The following OSBPL10 variants were observed in gnomAD, a reference collection of about 807,000 sequenced individuals.
OSBPL10 encodes the protein oxysterol binding protein like 10.
Under a neutral mutation model 81.7 loss-of-function variants are expected in OSBPL10, and 49 were observed. The ratio of observed to expected loss-of-function variants is 0.60; its 90% CI spans 0.48 to 0.76. The LOEUF is 0.76. Ranked by LOEUF, OSBPL10 falls within the 30% of genes least tolerant of loss-of-function variation. The pLI is 0.00. For missense variants in OSBPL10, 923 were observed against 987.8 expected (o/e 0.93, Z 0.88); for synonymous variants, 419 against 383.6 (o/e 1.09, Z -1.08).
At chr3:31,684,204 A>G in intron 7 of OSBPL10, 90 bp from the exon 8 acceptor site, 2 of 1,507,584 alleles carry the variant, frequency 1.3e-6, no homozygotes, top group African/African-American at 1.4e-5. Context: ...ACTGTTAAGC[A>G]AATTCATAAC....
intron 6 of OSBPL10, among the ~76,000 whole-genome samples, chr3:31,726,318 T>A (rs536012489): frequency 5.6e-4 from 85 of 152,188 alleles, no homozygotes; most frequent in African/African-American, 1.8e-3. Flanking sequence ...TAATTTTTTT[T>A]TTTTATTTTA....
At position 31,851,791 on chromosome 3, in the gene OSBPL10, C is replaced by T. The variant is rs977514837; in HGVS notation, c.538-21560G>A. Reference sequence around the variant, plus strand: ...GCAAAGTTCAGAACCCCCTCCATCCCGTGACTGAGTCCGGTGATCCCTGGA... The same window carrying T: ...GCAAAGTTCAGAACCCCCTCCATCCTGTGACTGAGTCCGGTGATCCCTGGA... On this transcript the variant is annotated intron_variant, in intron 3 of 11. Transcript: ENST00000396556. Among the ~76,000 whole-genome samples the T allele has an allele frequency of 3.9e-5, 6 of 152,310 alleles. No individual in the cohort carries two copies. The East Asian group carries it at 5.8e-4, about 15-fold the overall frequency.
chr3:31,805,934 T>G (rs757430006), intron 4 of OSBPL10, among the ~76,000 whole-genome samples: 1 of 152,214 alleles, frequency 6.6e-6, no homozygotes, highest in Non-Finnish European at 1.5e-5. Context: ...GCTCTACACT[T>G]GTCTTTCTCT....
At chr3:31,805,920 C>G (rs1699511178) in intron 4 of OSBPL10, among the ~76,000 whole-genome samples, 1 of 151,900 alleles carries the variant, frequency 6.6e-6, no homozygotes, top group Non-Finnish European at 1.5e-5. Context: ...TGGCACTGTT[C>G]TAAGCTCTAC....
intron 2 of OSBPL10, among the ~76,000 whole-genome samples, chr3:31,993,173 T>C (rs1254253856): frequency 2.4e-3 from 210 of 87,728 alleles, no homozygotes; most frequent in African/African-American, 7.5e-3. Context: ...CCTTATTTTA[T>C]TTTATTTTAT....
At chr3:31,990,185 C>T (rs767003055) in intron 2 of OSBPL10, 2 of 1,614,034 alleles carry the variant, frequency 1.2e-6, no homozygotes, top group East Asian at 2.2e-5. Context: ...GGAGAGAAAC[C>T]TTACAAGTGT....
chr3:32,047,722 G>A (rs2342363), intron 1 of OSBPL10, among the ~76,000 whole-genome samples: 100,126 of 150,812 alleles, frequency 0.66, 35,725 homozygotes, highest in South Asian at 0.84. Flanking sequence ...GAGTGCAGTG[G>A]TGCGATCTCG....
intron 7 of OSBPL10, among the ~76,000 whole-genome samples, chr3:31,693,646 T>C (rs1295536490): frequency 6.6e-6 from 1 of 152,238 alleles, no homozygotes. Flanking sequence ...GAACAAACTA[T>C]AACCATTCAT....
chr3:31,867,410 C>T (rs58402104), intron 3 of OSBPL10, among the ~76,000 whole-genome samples: 2 of 152,080 alleles, frequency 1.3e-5, no homozygotes, highest in African/African-American at 2.4e-5. Flanking sequence ...GGAAACACTT[C>T]CCTTTATTTT....
intron 2 of OSBPL10, among the ~76,000 whole-genome samples, chr3:32,008,468 T>C (rs1388904461): frequency 4.6e-5 from 7 of 151,278 alleles, no homozygotes; most frequent in Non-Finnish European, 8.8e-5. Flanking sequence ...TATTTTTCCA[T>C]CATTAAAAAG....
intron 2 of OSBPL10, among the ~76,000 whole-genome samples, chr3:31,878,814 CATGTGT>C (rs56786977): frequency 0.28 from 28,874 of 104,726 alleles, 2,986 homozygotes; most frequent in South Asian, 0.4. Flanking sequence ...TCTGCGTGTC[CATGTGT>C]GTGTGTGTGT....
chr3:31,970,091 T>C (rs961852389), intron 1 of OSBPL10, among the ~76,000 whole-genome samples: 3 of 152,122 alleles, frequency 2.0e-5, no homozygotes, highest in Non-Finnish European at 2.9e-5. Flanking sequence ...GTCCGAAAAT[T>C]CCGTGCTCCA....
chr3:31,721,053 G>GC (rs996602306), intron 6 of OSBPL10, among the ~76,000 whole-genome samples: 6 of 152,062 alleles, frequency 3.9e-5, no homozygotes, highest in African/African-American at 1.4e-4. Flanking sequence ...AATCACAAGG[G>GC]CCCTTAAGAG....
intron 2 of OSBPL10, among the ~76,000 whole-genome samples, chr3:32,025,023 A>G (rs1268449148): frequency 6.6e-6 from 1 of 152,164 alleles, no homozygotes; most frequent in Non-Finnish European, 1.5e-5. Flanking sequence ...TAGAACCTCC[A>G]GTATATAGCT....
chr3:31,828,947 T>C (rs1042285328), intron 4 of OSBPL10, among the ~76,000 whole-genome samples: 6 of 152,178 alleles, frequency 3.9e-5, no homozygotes, highest in Admixed American at 2.0e-4. Context: ...ACACAGTATA[T>C]ACATGTAAAA....
At chr3:32,050,161 A>T (rs1209897126) in intron 1 of OSBPL10, among the ~76,000 whole-genome samples, 1 of 152,142 alleles carries the variant, frequency 6.6e-6, no homozygotes, top group Non-Finnish European at 1.5e-5. Context: ...CGCCATCTGG[A>T]GGACAGGAAT....
chr3:31,678,837 G>A (rs1485934685), intron 8 of OSBPL10, among the ~76,000 whole-genome samples: 1 of 124,374 alleles, frequency 8.0e-6, no homozygotes, highest in African/African-American at 3.0e-5. Context: ...TGTGTAGGAG[G>A]GAAGAAGAGA....
intron 4 of OSBPL10, among the ~76,000 whole-genome samples, chr3:31,817,544 G>A (rs536446279): frequency 0.012 from 1,197 of 98,026 alleles, 21 homozygotes; most frequent in African/African-American, 0.037. Flanking sequence ...TGGGTCAGGC[G>A]GCTGCAGCTG....
At chr3:31,912,078 C>T (rs1475288218) in intron 1 of OSBPL10, among the ~76,000 whole-genome samples, 3 of 151,472 alleles carry the variant, frequency 2.0e-5, no homozygotes, top group African/African-American at 7.3e-5. Context: ...TATATTTTAC[C>T]ATAATAAAAC....
Sources: allele counts gnomAD v4.1 joint callset (sites outside exome capture counted in the v4.1 genomes callset), GRCh38; gene constraint gnomAD v4.1.1; transcripts MANE v1.5; gene names NCBI Gene and HGNC (gene_info 2026-07-23, HGNC 2026-07-21).